Variants in ZCCHC14 observed in about 807,000 individuals in gnomAD.
ZCCHC14 encodes zinc finger CCHC domain-containing protein 14.
ZCCHC14 carries 16 observed loss-of-function variants against 85.0 expected under a neutral mutation model. The observed-to-expected ratio is 0.19, with a 90% CI of 0.13 to 0.29. The LOEUF is 0.29. Ranked by LOEUF, ZCCHC14 falls within the 10% of genes least tolerant of loss-of-function variation. The probability of loss-of-function intolerance (pLI) is 1.00; values close to 1 mark genes in which losing one functional copy is unlikely to be tolerated. For missense variants in ZCCHC14, 1,303 were observed against 1,443.5 expected (o/e 0.90, Z 1.58); for synonymous variants, 775 against 630.7 (o/e 1.23, Z -3.43).
chr16:87,406,608 ACT>A lies in ZCCHC14; in HGVS notation c.*3670_*3671del, dbSNP rs1332064097. ...AGCCTTCTCTTTTTGTGCACGTAAG[ACT>A]CACACATGTGATGAGGGCTTGTTAC... On this transcript the variant is annotated 3_prime_UTR_variant, in exon 13 of 13. Coordinates refer to ENST00000671377, the MANE Select transcript of ZCCHC14 (RefSeq NM_015144.3). The A allele has an allele frequency of 6.6e-6, 1 of 152,242 alleles. No homozygotes were observed. Among genetic ancestry groups the A allele is most frequent in the Admixed American group, 6.5e-5 (1 of 15,276 alleles). 9.4% of individuals were successfully genotyped at this position (152,242 alleles called of 1,614,324 possible). A position where few individuals can be genotyped will look rare whatever the true frequency, so the allele number is the denominator to read the frequency against.
In ZCCHC14 at chr16:87,420,995, T is replaced by C. The variant is rs564693342; in HGVS notation, c.841-279A>G. 1.4e-3 allele frequency among the ~76,000 whole-genome samples: 207 copies of C among 152,264 alleles called. 2 individuals carry two copies. Among genetic ancestry groups the C allele is most frequent in the African/African-American group, 4.6e-3 (191 of 41,552 alleles). On this transcript the variant is annotated intron_variant, in intron 4 of 12. Transcript: ENST00000671377. The surrounding 1 kb of genome is among the most constrained non-coding windows in gnomAD (Gnocchi z 5.0). ...ATCTGAGAGTTGCTGGGCCACTAAG[T>C]CAACTTAATTTCAAACGGGACCTGC...
chr16:87,426,357 C>T (rs1427059628), intron 3 of ZCCHC14, among the ~76,000 whole-genome samples: 3 of 152,254 alleles, frequency 2.0e-5, no homozygotes, highest in Admixed American at 6.5e-5. Context: ...CATTACTTTA[C>T]ATTTCACCAA....
At chr16:87,439,547 A>G (rs1339769959) in intron 2 of ZCCHC14, among the ~76,000 whole-genome samples, 1 of 152,256 alleles carries the variant, frequency 6.6e-6, no homozygotes, top group African/African-American at 2.4e-5. Flanking sequence ...TGATATTCCT[A>G]TAAATTAAAA....
At chr16:87,488,145 T>C (rs1567547316) in intron 1 of ZCCHC14, among the ~76,000 whole-genome samples, 1 of 152,228 alleles carries the variant, frequency 6.6e-6, no homozygotes, top group Non-Finnish European at 1.5e-5. Flanking sequence ...AATAAAGCTG[T>C]TATTTTTTAA....
At chr16:87,427,405 G>T (rs1909427514) in intron 3 of ZCCHC14, among the ~76,000 whole-genome samples, 1 of 152,156 alleles carries the variant, frequency 6.6e-6, no homozygotes, top group Non-Finnish European at 1.5e-5. Flanking sequence ...GTTGCTTGGG[G>T]TATGAACTTT....
intron 1 of ZCCHC14, among the ~76,000 whole-genome samples, chr16:87,467,808 C>T (rs915216662): frequency 2.8e-4 from 43 of 152,180 alleles, no homozygotes; most frequent in Admixed American, 1.4e-3. Flanking sequence ...CGCACCACCA[C>T]GCCCGGCTAA....
intron 1 of ZCCHC14, among the ~76,000 whole-genome samples, chr16:87,461,846 C>T (rs553500257): frequency 6.6e-6 from 1 of 152,220 alleles, no homozygotes; most frequent in South Asian, 2.1e-4. Flanking sequence ...TGCCCCTGCC[C>T]CCCAGCAAGA....
At chr16:87,418,373 C>T (rs570015090) in intron 7 of ZCCHC14, among the ~76,000 whole-genome samples, 1 of 152,296 alleles carries the variant, frequency 6.6e-6, no homozygotes, top group East Asian at 1.9e-4. Flanking sequence ...GTCTACGCCT[C>T]GAAACCTCGC....
At chr16:87,441,364 T>A (rs1433860962) in intron 2 of ZCCHC14, among the ~76,000 whole-genome samples, 1 of 152,244 alleles carries the variant, frequency 6.6e-6, no homozygotes, top group Non-Finnish European at 1.5e-5. Context: ...ATATGCTTCA[T>A]CTTTCCCGGT....
At position 87,406,280 on chromosome 16, in the gene ZCCHC14, A is replaced by C. The variant is rs945773977; in HGVS notation, c.*4000T>G. On this transcript the variant is annotated 3_prime_UTR_variant, in exon 13 of 13. Transcript: ENST00000671377. The stretch of plus-strand genomic sequence containing the variant: ...TTAAAATTTTTATTTTCAGTACATT[A>C]AATTTACTCATAAAAACATTCTAAA... 2.0e-5 allele frequency: 3 copies of C among 152,588 alleles called. No homozygotes were observed. Among genetic ancestry groups the C allele is most frequent in the African/African-American group, 7.2e-5 (3 of 41,446 alleles). The allele number at this position is 152,588 out of a possible 1,614,324, so 9.5% of individuals were successfully genotyped here. A position where few individuals can be genotyped will look rare whatever the true frequency, so the allele number is the denominator to read the frequency against.
chr16:87,422,908 G>T (rs531602868), intron 4 of ZCCHC14, among the ~76,000 whole-genome samples: 1 of 152,134 alleles, frequency 6.6e-6, no homozygotes, highest in Non-Finnish European at 1.5e-5. Flanking sequence ...AGATTCCCGG[G>T]GGGGGGTGTG....
intron 2 of ZCCHC14, among the ~76,000 whole-genome samples, chr16:87,447,226 G>T (rs970497485): frequency 1.4e-5 from 2 of 147,814 alleles, no homozygotes; most frequent in Non-Finnish European, 2.9e-5. Flanking sequence ...CATATTTTGG[G>T]CCAGGGGGAA....
At chr16:87,449,210 C>A (rs1910579645) in intron 2 of ZCCHC14, among the ~76,000 whole-genome samples, 4 of 152,252 alleles carry the variant, frequency 2.6e-5, no homozygotes. Flanking sequence ...CTGACCAACA[C>A]ACCCCAGGCA....
At position 87,492,242 on chromosome 16, in the gene ZCCHC14, G is replaced by A; in HGVS notation, c.-4C>T. On this transcript the variant is annotated 5_prime_UTR_variant, in exon 1 of 13. Coordinates refer to ENST00000671377, the MANE Select transcript of ZCCHC14 (RefSeq NM_015144.3). The surrounding 1 kb of genome is among the most constrained non-coding windows in gnomAD (Gnocchi z 6.7). ...GCGGGCAGCGCTTCTCCACCATGCTGCCGCCCGCGCCGCGCCGCGACCCGG... is the reference window on the plus strand; with the variant it reads ...GCGGGCAGCGCTTCTCCACCATGCTACCGCCCGCGCCGCGCCGCGACCCGG... 1 of 982,364 alleles carries A rather than the reference G, an allele frequency of 1.0e-6. No individual in the cohort carries two copies. The highest frequency in any genetic ancestry group is 1.2e-6 in the Non-Finnish European group (1 of 829,006). The allele number at this position is 982,364 out of a possible 1,614,324, so 60.9% of individuals were successfully genotyped here.
At chr16:87,416,526 G>A (rs1468044642) in intron 8 of ZCCHC14, among the ~76,000 whole-genome samples, 3 of 152,130 alleles carry the variant, frequency 2.0e-5, no homozygotes, top group Non-Finnish European at 4.4e-5. Flanking sequence ...GGGAGACCGA[G>A]GTGGGCAGAT....
intron 2 of ZCCHC14, among the ~76,000 whole-genome samples, chr16:87,448,605 C>T (rs1451140672): frequency 6.6e-6 from 1 of 152,196 alleles, no homozygotes; most frequent in Non-Finnish European, 1.5e-5. Flanking sequence ...TTCGGCAATC[C>T]TCGAACACTA....
intron 1 of ZCCHC14, among the ~76,000 whole-genome samples, chr16:87,487,666 G>C (rs895818780): frequency 6.6e-5 from 10 of 152,268 alleles, no homozygotes; most frequent in Non-Finnish European, 1.3e-4. Context: ...CAGTGCACGG[G>C]GGTGAAGACA....
intron 2 of ZCCHC14, among the ~76,000 whole-genome samples, chr16:87,443,052 A>G (rs1347030779): frequency 6.6e-6 from 1 of 152,268 alleles, no homozygotes; most frequent in Non-Finnish European, 1.5e-5. Flanking sequence ...AAGAAAAGCA[A>G]GAGAAATGTG....
At chr16:87,422,846 T>C (rs1282617766) in intron 4 of ZCCHC14, among the ~76,000 whole-genome samples, 1 of 151,838 alleles carries the variant, frequency 6.6e-6, no homozygotes, top group East Asian at 1.9e-4. Context: ...AAGGGGAAAC[T>C]ACACACAGAG....
Sources: allele counts gnomAD v4.1 joint callset (sites outside exome capture counted in the v4.1 genomes callset), GRCh38; gene constraint gnomAD v4.1.1; non-coding constraint Gnocchi (gnomAD v3.1); transcripts MANE v1.5; gene names NCBI Gene and HGNC (gene_info 2026-07-23, HGNC 2026-07-21).